Variants in PSD3 observed in about 807,000 individuals in gnomAD.
The protein encoded by PSD3 is PH and SEC7 domain-containing protein 3.
In PSD3, 49 loss-of-function variants were observed where a neutral mutation model predicts 105.5. The observed-to-expected ratio is 0.46, with a 90% confidence interval of 0.37 to 0.59. PSD3 has a LOEUF of 0.59. Ranked by LOEUF, PSD3 falls within the 20% of genes least tolerant of loss-of-function variation. The pLI, the probability that PSD3 is intolerant of heterozygous loss-of-function variation, is 0.00. For missense variants in PSD3, 1,561 were observed against 1,263.8 expected (o/e 1.24, Z -3.57); for synonymous variants, 557 against 457.8 (o/e 1.22, Z -2.77).
At chr8:18,863,078 C>T (rs1263185478) in intron 4 of PSD3, among the ~76,000 whole-genome samples, 2 of 152,128 alleles carry the variant, frequency 1.3e-5, no homozygotes, top group African/African-American at 4.8e-5. Context: ...GATCATCACG[C>T]TACAAAGGTT....
intron 1 of PSD3, among the ~76,000 whole-genome samples, chr8:18,993,882 AT>A (rs1348308853): frequency 6.6e-6 from 1 of 152,066 alleles, no homozygotes; most frequent in Non-Finnish European, 1.5e-5. Flanking sequence ...GATTATATCA[AT>A]ATAATTTGAT....
intron 12 of PSD3, among the ~76,000 whole-genome samples, chr8:18,587,164 A>G (rs1359256322): frequency 1.3e-5 from 2 of 152,174 alleles, no homozygotes; most frequent in Non-Finnish European, 2.9e-5. Flanking sequence ...TCCTAAGAGC[A>G]CAGAGCGGAG....
rs565499632 is a variant in PSD3 at position 18,568,260 on chromosome 8, T to G, written c.2784+4268A>C. On this transcript the variant is annotated intron_variant, in intron 14 of 15. Transcript: ENST00000327040. ...TCCCAGCCACTAAATATCACATTTT[T>G]AAATCTAAATCTTCATGGAACCTTT... Among the ~76,000 whole-genome samples, 348 of 152,278 alleles carry G rather than the reference T, an allele frequency of 2.3e-3. 2 individuals carry two copies. The highest frequency in any genetic ancestry group is 7.9e-3 in the African/African-American group (328 of 41,550).
intron 9 of PSD3, among the ~76,000 whole-genome samples, chr8:18,672,354 AC>A (rs1799832821): frequency 6.6e-6 from 1 of 152,144 alleles, no homozygotes; most frequent in Admixed American, 6.5e-5. Context: ...TGTAAAAAAA[AC>A]AATCCCTGGG....
intron 14 of PSD3, among the ~76,000 whole-genome samples, chr8:18,571,926 G>A (rs1324650481): frequency 3.4e-4 from 52 of 152,152 alleles, no homozygotes; most frequent in Admixed American, 3.4e-3. Flanking sequence ...AGAGTTTTAA[G>A]TGAAAAAGGA....
intron 4 of PSD3, among the ~76,000 whole-genome samples, chr8:18,808,064 A>C (rs1289348831): frequency 1.3e-5 from 2 of 152,238 alleles, no homozygotes; most frequent in Admixed American, 1.3e-4. Context: ...CTCACAGTAG[A>C]AATTTCTTTT....
chr8:18,575,335 A>G (rs2130358695), intron 12 of PSD3, 50 bp from the exon 13 acceptor site: 1 of 1,465,786 alleles, frequency 6.8e-7, no homozygotes, highest in East Asian at 2.5e-5. Context: ...ATCAGATTTC[A>G]ACTTAATTTT....
At chr8:18,715,653 C>T (rs1443919295) in intron 9 of PSD3, among the ~76,000 whole-genome samples, 1 of 152,164 alleles carries the variant, frequency 6.6e-6, no homozygotes, top group Non-Finnish European at 1.5e-5. Flanking sequence ...GGCATCAATG[C>T]TCTACCTCAG....
chr8:18,878,872 T>G (rs1468027044), intron 2 of PSD3, among the ~76,000 whole-genome samples: 1 of 152,146 alleles, frequency 6.6e-6, no homozygotes, highest in Non-Finnish European at 1.5e-5. Flanking sequence ...TGAAGTGTTT[T>G]AAGAAAATTG....
intron 1 of PSD3, among the ~76,000 whole-genome samples, chr8:19,042,507 C>T (rs1184792687): frequency 2.0e-5 from 3 of 152,160 alleles, no homozygotes; most frequent in Admixed American, 1.3e-4. Context: ...TTACATTTTC[C>T]ACTAGCAAAG....
chr8:18,780,353 T>A (rs1808488118), intron 8 of PSD3, among the ~76,000 whole-genome samples: 1 of 152,174 alleles, frequency 6.6e-6, no homozygotes, highest in Non-Finnish European at 1.5e-5. Context: ...AAGTCATTTT[T>A]TTTTTGTTTT....
At chr8:18,568,230 T>G (rs983088994) in intron 14 of PSD3, among the ~76,000 whole-genome samples, 2 of 152,188 alleles carry the variant, frequency 1.3e-5, no homozygotes, top group Non-Finnish European at 2.9e-5. Flanking sequence ...AGATACCCAG[T>G]GACCTCCCAG....
At chr8:18,606,279 G>C (rs181270073) in intron 11 of PSD3, among the ~76,000 whole-genome samples, 98 of 151,884 alleles carry the variant, frequency 6.5e-4, no homozygotes, top group Non-Finnish European at 1.3e-3. Context: ...CTGTACTTGT[G>C]TGCTAAATGC....
At chr8:18,945,956 G>C (rs1204382906) in intron 1 of PSD3, among the ~76,000 whole-genome samples, 1 of 152,008 alleles carries the variant, frequency 6.6e-6, no homozygotes, top group African/African-American at 2.4e-5. Context: ...CTGGGCGAAA[G>C]AGTGAGACTC....
At chr8:18,623,448 C>CAA (rs1415289898) in intron 11 of PSD3, among the ~76,000 whole-genome samples, 1,968 of 64,044 alleles carry the variant, frequency 0.031, 159 homozygotes, top group African/African-American at 0.074. Context: ...CCCGTCTCCC[C>CAA]AAAAAAAAAA....
chr8:18,768,759 A>G (rs868585391), intron 8 of PSD3, among the ~76,000 whole-genome samples: 12 of 152,134 alleles, frequency 7.9e-5, no homozygotes, highest in Admixed American at 6.5e-4. Flanking sequence ...AATTCGTCCC[A>G]TTCAAGCTGT....
intron 9 of PSD3, among the ~76,000 whole-genome samples, chr8:18,664,336 G>A (rs1261595228): frequency 1.3e-5 from 2 of 152,204 alleles, no homozygotes; most frequent in Non-Finnish European, 2.9e-5. Flanking sequence ...GAGTGAAACA[G>A]CTTTATTGCT....
chr8:18,570,398 C>T (rs1802053517), intron 14 of PSD3, among the ~76,000 whole-genome samples: 1 of 106,500 alleles, frequency 9.4e-6, no homozygotes, highest in Non-Finnish European at 1.9e-5. Context: ...CCATTCAGGA[C>T]ATAGGCATGG....
At chr8:18,911,377 C>G (rs935293532) in intron 2 of PSD3, among the ~76,000 whole-genome samples, 11 of 152,170 alleles carry the variant, frequency 7.2e-5, no homozygotes, top group African/African-American at 2.7e-4. Context: ...GCACTTCACT[C>G]CAATTTCCTG....
Sources: allele counts gnomAD v4.1 joint callset (sites outside exome capture counted in the v4.1 genomes callset), GRCh38; gene constraint gnomAD v4.1.1; transcripts MANE v1.5; gene names NCBI Gene and HGNC (gene_info 2026-07-23, HGNC 2026-07-21).